The following LIPC variants were observed in gnomAD, a reference collection of about 807,000 sequenced individuals.
LIPC encodes hepatic triacylglycerol lipase.
In LIPC, 44 loss-of-function variants were observed where a neutral mutation model predicts 50.7. That is an observed-to-expected ratio of 0.87 (90% CI 0.68 to 1.11). LIPC has a LOEUF of 1.11. Ranked by LOEUF, LIPC falls within the 50% of genes most tolerant of loss-of-function variation. The pLI, the probability that LIPC is intolerant of heterozygous loss-of-function variation, is 0.00. For missense variants in LIPC, 697 were observed against 648.2 expected (o/e 1.08, Z -0.82); for synonymous variants, 271 against 256.4 (o/e 1.06, Z -0.54).
At chr15:58,550,632 C>T (rs1292515751) in intron 6 of LIPC, among the ~76,000 whole-genome samples, 16 of 152,074 alleles carry the variant, frequency 1.1e-4, no homozygotes, top group Admixed American at 5.2e-4. Flanking sequence ...GAGACTAACC[C>T]ACGATGAGTT....
intron 1 of LIPC, chr15:58,498,881 T>A (rs923833086): frequency 6.6e-6 from 1 of 152,268 alleles, no homozygotes; most frequent in African/African-American, 2.4e-5. Flanking sequence ...ATGCTGTGCG[T>A]GCTTGGAAGA....
At position 58,568,438 on chromosome 15, in the gene LIPC, T is replaced by C. The variant is rs150184166; in HGVS notation, c.1389-278T>C. 6.9e-3 allele frequency among the ~76,000 whole-genome samples: 1,055 copies of C among 152,328 alleles called. 11 individuals are homozygous for C. Among genetic ancestry groups the C allele is most frequent in the African/African-American group, 0.024 (983 of 41,570 alleles). On this transcript the variant is annotated intron_variant, in intron 8 of 8. Transcript: ENST00000299022. Reference sequence around the variant, plus strand: ...CCCTCAAATCTTCGATGAGCTGTCATAGGGGAGAACAAAGGAGGGCTGCCC... The same window carrying C: ...CCCTCAAATCTTCGATGAGCTGTCACAGGGGAGAACAAAGGAGGGCTGCCC...
At chr15:58,474,513 G>GAAAAAAA (rs67354532) in intron 1 of LIPC, among the ~76,000 whole-genome samples, 1 of 130,792 alleles carries the variant, frequency 7.6e-6, no homozygotes, top group East Asian at 2.3e-4. Context: ...CCTGTCTCAG[G>GAAAAAAA]AAAAAAAAAA....
chr15:58,486,480 CA>C (rs1291186960), intron 1 of LIPC, among the ~76,000 whole-genome samples: 12 of 152,186 alleles, frequency 7.9e-5, no homozygotes, highest in African/African-American at 2.4e-4. Context: ...GCTCTTTCCC[CA>C]AAAGTAGTTA....
intron 1 of LIPC, among the ~76,000 whole-genome samples, chr15:58,531,290 A>G (rs1017110544): frequency 6.6e-6 from 1 of 152,182 alleles, no homozygotes; most frequent in East Asian, 1.9e-4. Context: ...ATATCTGTTC[A>G]GTTCTCTCAC....
chr15:58,528,094 C>T (rs999364349), intron 1 of LIPC, among the ~76,000 whole-genome samples: 20 of 150,160 alleles, frequency 1.3e-4, no homozygotes, highest in African/African-American at 4.7e-4. Context: ...GAGCCGAGAC[C>T]ACCCCATTGC....
intron 5 of LIPC, among the ~76,000 whole-genome samples, chr15:58,547,428 G>C (rs1893573141): frequency 6.6e-6 from 1 of 152,182 alleles, no homozygotes; most frequent in Admixed American, 6.5e-5. Context: ...CAGCCTCCTA[G>C]TAGGTGCCCA....
At chr15:58,443,621 G>A (rs573671882) in intron 1 of LIPC, among the ~76,000 whole-genome samples, 3 of 152,210 alleles carry the variant, frequency 2.0e-5, no homozygotes, top group African/African-American at 7.2e-5. Context: ...CGGCTCCTCG[G>A]TGACTTAGTA....
chr15:58,505,152 A>G (rs1167475118), intron 1 of LIPC, among the ~76,000 whole-genome samples: 2 of 152,256 alleles, frequency 1.3e-5, no homozygotes, highest in Non-Finnish European at 2.9e-5. Flanking sequence ...GTCCACGAAT[A>G]GGCCAGGACC....
Position 58,513,243 on chromosome 15 carries a change from C to T in LIPC, c.89-25090C>T, listed in dbSNP as rs188526049. 2.4e-3 allele frequency among the ~76,000 whole-genome samples: 360 copies of T among 152,250 alleles called. 1 individual carries two copies. The highest frequency in any genetic ancestry group is 8.4e-3 in the African/African-American group (348 of 41,546). On this transcript the variant is annotated intron_variant, in intron 1 of 8. Coordinates refer to ENST00000299022, the MANE Select transcript of LIPC (RefSeq NM_000236.3). Reference sequence around the variant, plus strand: ...GAAGCTGCTTTGAAAGATGACACTCCCTTGATGTGAATTTGCAGCCTGCCC... The same window carrying T: ...GAAGCTGCTTTGAAAGATGACACTCTCTTGATGTGAATTTGCAGCCTGCCC...
intron 1 of LIPC, chr15:58,436,948 T>A (rs1388754233): frequency 6.8e-6 from 3 of 443,384 alleles, no homozygotes; most frequent in Non-Finnish European, 1.4e-5. Context: ...CATAGAACGG[T>A]GTTGATAGCA....
intron 1 of LIPC, among the ~76,000 whole-genome samples, chr15:58,452,850 G>T (rs958740404): frequency 5.9e-5 from 9 of 152,198 alleles, no homozygotes; most frequent in African/African-American, 2.2e-4. Context: ...GGACACAGAG[G>T]TCCTCATCTC....
chr15:58,555,893 T>C (rs1329157003), intron 6 of LIPC, among the ~76,000 whole-genome samples: 1 of 152,170 alleles, frequency 6.6e-6, no homozygotes, highest in Non-Finnish European at 1.5e-5. Context: ...TGCCTCTCTC[T>C]TCTCCGCCCT....
chr15:58,553,718 G>A (rs1566949564), intron 6 of LIPC, among the ~76,000 whole-genome samples: 1 of 152,244 alleles, frequency 6.6e-6, no homozygotes, highest in African/African-American at 2.4e-5. Flanking sequence ...ACACATACAG[G>A]TGTTACATAC....
intron 4 of LIPC, among the ~76,000 whole-genome samples, chr15:58,543,731 G>A (rs1422108295): frequency 1.3e-5 from 2 of 152,034 alleles, no homozygotes; most frequent in South Asian, 2.1e-4. Flanking sequence ...CTGCCTCCCG[G>A]GTTCAAGCGA....
chr15:58,493,019 C>G (rs1176026062), intron 1 of LIPC, among the ~76,000 whole-genome samples: 1 of 152,160 alleles, frequency 6.6e-6, no homozygotes, highest in Admixed American at 6.5e-5. Flanking sequence ...AGGTGCTCTT[C>G]CATTCTCCCA....
chr15:58,516,087 G>A (rs1892478212), intron 1 of LIPC, among the ~76,000 whole-genome samples: 1 of 152,148 alleles, frequency 6.6e-6, no homozygotes, highest in Non-Finnish European at 1.5e-5. Context: ...CATACAAGGA[G>A]CCCAAGGCAA....
chr15:58,510,486 C>G (rs961141162), intron 1 of LIPC, among the ~76,000 whole-genome samples: 3 of 152,208 alleles, frequency 2.0e-5, no homozygotes, highest in Non-Finnish European at 2.9e-5. Flanking sequence ...AACCATCATC[C>G]TATGTTTTCT....
chr15:58,507,104 A>G (rs1037860484), intron 1 of LIPC, among the ~76,000 whole-genome samples: 1 of 152,186 alleles, frequency 6.6e-6, no homozygotes, highest in African/African-American at 2.4e-5. Flanking sequence ...CTCCCAGGAC[A>G]TGTGGGGATT....
Sources: allele counts gnomAD v4.1 joint callset (sites outside exome capture counted in the v4.1 genomes callset), GRCh38; gene constraint gnomAD v4.1.1; transcripts MANE v1.5; gene names NCBI Gene and HGNC (gene_info 2026-07-23, HGNC 2026-07-21).